Variants in VSTM4 observed in about 807,000 individuals in gnomAD.
VSTM4 encodes the protein V-set and transmembrane domain-containing protein 4.
VSTM4 carries 20 observed loss-of-function variants against 36.4 expected under a neutral mutation model. The observed-to-expected ratio is 0.55, with a 90% CI of 0.39 to 0.80. The LOEUF (loss-of-function observed/expected upper bound fraction) is 0.80, where lower values mean the gene tolerates loss of function less well. Ranked by LOEUF, VSTM4 falls within the 30% of genes least tolerant of loss-of-function variation. VSTM4 has a pLI of 0.00. For synonymous variants in VSTM4, 182 were observed against 173.9 expected, an observed-to-expected ratio of 1.05 and a Z score of -0.37; for missense variants, 392 against 404.5, an observed-to-expected ratio of 0.97 and a Z score of 0.26.
intron 1 of VSTM4, among the ~76,000 whole-genome samples, chr10:49,112,075 G>A (rs750539837): frequency 6.6e-6 from 1 of 152,192 alleles, no homozygotes. Context: ...TCATCCTGGT[G>A]AACTGTACCC....
chr10:49,044,464 AAAAG>A (rs1422605817), intron 7 of VSTM4, among the ~76,000 whole-genome samples: 8 of 150,728 alleles, frequency 5.3e-5, no homozygotes, highest in South Asian at 2.1e-4. Flanking sequence ...GAAAGAAAGA[AAAAG>A]AAAGAAAGAA....
At chr10:49,023,281 C>A (rs1843208793) in intron 7 of VSTM4, among the ~76,000 whole-genome samples, 1 of 152,240 alleles carries the variant, frequency 6.6e-6, no homozygotes, top group Non-Finnish European at 1.5e-5. Context: ...TTCTGGCATG[C>A]ACACTTGGCT....
chr10:49,100,621 T>C (rs1353604791), intron 2 of VSTM4, among the ~76,000 whole-genome samples: 1 of 151,344 alleles, frequency 6.6e-6, no homozygotes, highest in Non-Finnish European at 1.5e-5. Context: ...ATACAACAAG[T>C]TCCTGGATAG....
intron 7 of VSTM4, among the ~76,000 whole-genome samples, chr10:49,025,867 C>G (rs1023627422): frequency 6.6e-6 from 1 of 152,214 alleles, no homozygotes; most frequent in African/African-American, 2.4e-5. Context: ...TGTTTCTGCC[C>G]CCAAACCCTG....
intron 2 of VSTM4, among the ~76,000 whole-genome samples, chr10:49,100,518 C>T (rs1318409150): frequency 1.3e-5 from 2 of 151,610 alleles, no homozygotes; most frequent in East Asian, 3.9e-4. Context: ...TATAAAATAC[C>T]TAGAAGTAAA....
At chr10:49,095,727 C>G (rs539665178) in intron 2 of VSTM4, among the ~76,000 whole-genome samples, 9 of 151,908 alleles carry the variant, frequency 5.9e-5, no homozygotes, top group Non-Finnish European at 1.3e-4. Context: ...CAGCCTCACC[C>G]CCTCGTCTGG....
At chr10:49,025,524 C>T (rs75871934) in intron 7 of VSTM4, among the ~76,000 whole-genome samples, 5,526 of 152,296 alleles carry the variant, frequency 0.036, 285 homozygotes, top group African/African-American at 0.11. Context: ...CTGCCTGGCC[C>T]GCCATGGCCA....
intron 3 of VSTM4, among the ~76,000 whole-genome samples, chr10:49,083,300 C>T (rs1236414628): frequency 6.6e-6 from 1 of 152,164 alleles, no homozygotes; most frequent in Non-Finnish European, 1.5e-5. Context: ...ACAAAGAGGC[C>T]TGACAATCAA....
At chr10:49,115,347 C>A in intron 1 of VSTM4, 84 bp downstream of exon 1, 1 of 917,700 alleles carries the variant, frequency 1.1e-6, no homozygotes, top group South Asian at 4.8e-5. Flanking sequence ...CAGGGCCTCC[C>A]CACCAGGCCC....
intron 7 of VSTM4, among the ~76,000 whole-genome samples, chr10:49,043,417 T>C (rs994418519): frequency 3.3e-5 from 5 of 152,284 alleles, no homozygotes; most frequent in Admixed American, 3.3e-4. Flanking sequence ...TCAAATAATA[T>C]GGGGAATTAT....
At chr10:49,035,477 A>C (rs1202390431) in intron 7 of VSTM4, among the ~76,000 whole-genome samples, 3 of 152,160 alleles carry the variant, frequency 2.0e-5, no homozygotes, top group Non-Finnish European at 2.9e-5. Context: ...AATCTGCAGT[A>C]GGATTCCCTT....
At chr10:49,053,659 C>T (rs1843732570) in intron 5 of VSTM4, among the ~76,000 whole-genome samples, 1 of 152,162 alleles carries the variant, frequency 6.6e-6, no homozygotes, top group African/African-American at 2.4e-5. Context: ...ATGGTACTAC[C>T]CAGGGAGGAT....
intron 1 of VSTM4, among the ~76,000 whole-genome samples, chr10:49,113,252 T>C (rs2132033630): frequency 6.6e-6 from 1 of 152,372 alleles, no homozygotes; most frequent in African/African-American, 2.4e-5. Context: ...GAAATAGTTA[T>C]ATTACTTAAC....
rs1844978213 is a variant in VSTM4, at chr10:49,115,422, C to A, written c.55+9G>T. ...CCTTCCCGCTCCCGCCTGGCCCCGC[C>A]GCGCTTACCCGGAGCCGGAGCCCGC... is the stretch of plus-strand genomic sequence containing the variant. On this transcript the variant is annotated intron_variant, in intron 1 of 7. Transcript: ENST00000332853. 2 of 1,035,174 alleles carry A rather than the reference C, an allele frequency of 1.9e-6. No homozygotes were observed. Among genetic ancestry groups the A allele is most frequent in the South Asian group, 3.4e-5 (1 of 29,216 alleles). 64.1% of individuals were successfully genotyped at this position (1,035,174 alleles called of 1,614,324 possible). A position where few individuals can be genotyped will look rare whatever the true frequency, so the allele number is the denominator to read the frequency against.
At chr10:49,028,561 A>G (rs1843297597) in intron 7 of VSTM4, among the ~76,000 whole-genome samples, 2 of 152,350 alleles carry the variant, frequency 1.3e-5, no homozygotes, top group South Asian at 4.1e-4. Context: ...CTGGAAGATA[A>G]CACACTTTAA....
chr10:49,060,324 T>G (rs1753463182), intron 5 of VSTM4, among the ~76,000 whole-genome samples: 1 of 152,224 alleles, frequency 6.6e-6, no homozygotes, highest in South Asian at 2.1e-4. Flanking sequence ...CCACCAGCAA[T>G]GTACAAAGAT....
At chr10:49,051,153 T>C (rs1306140420) in intron 5 of VSTM4, among the ~76,000 whole-genome samples, 1 of 152,178 alleles carries the variant, frequency 6.6e-6, no homozygotes, top group African/African-American at 2.4e-5. Flanking sequence ...CCCAGCATCA[T>C]AGCATCATAC....
intron 3 of VSTM4, 31 bp downstream of exon 3, chr10:49,085,924 G>A (rs1000226375): frequency 7.2e-7 from 1 of 1,382,936 alleles, no homozygotes; most frequent in East Asian, 2.3e-5. Context: ...CAACTATAGA[G>A]CAATAAAAAA....
chr10:49,048,069 G>A (rs1028002595), intron 6 of VSTM4, among the ~76,000 whole-genome samples: 16 of 152,112 alleles, frequency 1.1e-4, no homozygotes, highest in African/African-American at 3.9e-4. Flanking sequence ...TTCACACCTG[G>A]TTGACATCTT....
Sources: gnomAD v4.1 joint callset for allele counts (sites outside exome capture counted in the v4.1 genomes callset) on GRCh38, gnomAD v4.1.1 for gene constraint, MANE v1.5 for transcripts, NCBI Gene and HGNC (gene_info 2026-07-23, HGNC 2026-07-21) for gene names.